The following HAT1 variants were observed in gnomAD, a reference collection of about 807,000 sequenced individuals.
HAT1 encodes histone acetyltransferase type B catalytic subunit.
HAT1 carries 20 observed loss-of-function variants against 56.6 expected under a neutral mutation model. That is an observed-to-expected ratio of 0.35 (90% CI 0.25 to 0.51). The LOEUF is 0.51. HAT1 is among the 20% of genes least tolerant of loss of function. HAT1 has a pLI of 0.95. For missense variants in HAT1, 408 were observed against 504.3 expected, an observed-to-expected ratio of 0.81 and a Z score of 1.83; for synonymous variants, 146 against 165.5, an observed-to-expected ratio of 0.88 and a Z score of 0.91.
At chr2:171,951,481 G>A (rs532262871) in intron 3 of HAT1, among the ~76,000 whole-genome samples, 2 of 151,786 alleles carry the variant, frequency 1.3e-5, no homozygotes, top group African/African-American at 4.8e-5. Flanking sequence ...GTGCAGTGGC[G>A]CAATCTCAGC....
intron 10 of HAT1, chr2:171,980,909 T>TCTATAATC (rs1429651274): frequency 7.2e-6 from 1 of 138,184 alleles, no homozygotes; most frequent in African/African-American, 2.7e-5. Context: ...GTGGTTCACG[T>TCTATAATC]CTATAATCCC....
At chr2:171,978,104 G>A (rs1688033813) in intron 9 of HAT1, among the ~76,000 whole-genome samples, 1 of 146,740 alleles carries the variant, frequency 6.8e-6, no homozygotes, top group Non-Finnish European at 1.5e-5. Flanking sequence ...TGTCACCTGA[G>A]GTGGAGTACA....
intron 8 of HAT1, among the ~76,000 whole-genome samples, chr2:171,973,916 G>A (rs1041510889): frequency 2.0e-5 from 3 of 151,998 alleles, no homozygotes; most frequent in Non-Finnish European, 2.9e-5. Flanking sequence ...TTGGTGGCTT[G>A]CACCTGTAAT....
At chr2:171,970,708 C>T (rs566295813) in intron 8 of HAT1, among the ~76,000 whole-genome samples, 266 of 149,260 alleles carry the variant, frequency 1.8e-3, no homozygotes, top group African/African-American at 6.3e-3. Context: ...TTAGTAGAGA[C>T]GGGGTTTCAC....
chr2:171,973,828 T>C (rs1687880361), intron 8 of HAT1, among the ~76,000 whole-genome samples: 1 of 152,160 alleles, frequency 6.6e-6, no homozygotes, highest in African/African-American at 2.4e-5. Context: ...TGGTGCTAGA[T>C]ATTTTTGGCA....
At chr2:171,954,627 A>G (rs6726050) in intron 4 of HAT1, among the ~76,000 whole-genome samples, 28,426 of 152,114 alleles carry the variant, frequency 0.19, 3,841 homozygotes, top group African/African-American at 0.37. Context: ...TGGAGGTTGC[A>G]GTGAGCCAAG....
intron 8 of HAT1, among the ~76,000 whole-genome samples, chr2:171,969,818 T>C (rs1306128782): frequency 2.6e-5 from 4 of 152,176 alleles, no homozygotes; most frequent in African/African-American, 9.7e-5. Flanking sequence ...TTTCCTATGA[T>C]ACCTATTTCC....
intron 4 of HAT1, among the ~76,000 whole-genome samples, chr2:171,961,561 C>A (rs927845928): frequency 2.1e-5 from 3 of 145,678 alleles, no homozygotes; most frequent in African/African-American, 8.2e-5. Flanking sequence ...TAGCCTCTTT[C>A]TAGGAAAATC....
chr2:171,945,768 A>G (rs1478570964), intron 2 of HAT1, among the ~76,000 whole-genome samples: 1 of 152,092 alleles, frequency 6.6e-6, no homozygotes, highest in Non-Finnish European at 1.5e-5. Context: ...TCCTGGGCTC[A>G]AGTAGTTCTC....
intron 2 of HAT1, among the ~76,000 whole-genome samples, chr2:171,945,336 T>C (rs1404266322): frequency 6.6e-6 from 1 of 152,020 alleles, no homozygotes; most frequent in Non-Finnish European, 1.5e-5. Context: ...TTGATAGAAA[T>C]TGAAGTCGAG....
chr2:171,969,036 T>G (rs1687751057), intron 8 of HAT1, among the ~76,000 whole-genome samples: 1 of 152,200 alleles, frequency 6.6e-6, no homozygotes, highest in Non-Finnish European at 1.5e-5. Context: ...TTTTTTGCAC[T>G]CAATTTTAAG....
intron 2 of HAT1, among the ~76,000 whole-genome samples, chr2:171,930,695 G>A (rs1378578070): frequency 6.6e-6 from 1 of 151,996 alleles, no homozygotes; most frequent in Non-Finnish European, 1.5e-5. Flanking sequence ...GCTCACTATA[G>A]CCTTGACTTC....
At chr2:171,978,537 ATC>A (rs1023570843) in intron 9 of HAT1, among the ~76,000 whole-genome samples, 18 of 151,748 alleles carry the variant, frequency 1.2e-4, no homozygotes, top group African/African-American at 4.1e-4. Flanking sequence ...TGCCTCCCAA[ATC>A]TCTCCTAGGC....
Position 171,965,496 on chromosome 2 carries a change from CTT to C in HAT1, c.470_471del (p.Phe157TyrfsTer6). The C allele has an allele frequency of 6.3e-7, 1 of 1,588,394 alleles. No homozygotes were observed. The highest frequency in any genetic ancestry group is 8.6e-7 in the Non-Finnish European group (1 of 1,165,718). On this transcript the variant is annotated frameshift_variant, in exon 5 of 11. Transcript: ENST00000264108. LOFTEE classifies it high-confidence loss of function. The part of the protein sequence containing the change: ...SVLSPTGGEN[F>X]TFQIYKADMT... ...TTCTCAGTCCAACAGGAGGAGAAAA[CTT>C]TACCTTTCAGATATATAAGGTAAAG...
chr2:171,964,217 T>G (rs1159625070), intron 4 of HAT1, among the ~76,000 whole-genome samples: 1 of 152,194 alleles, frequency 6.6e-6, no homozygotes, highest in Non-Finnish European at 1.5e-5. Context: ...TTAATTTCCC[T>G]GTTTTGAATG....
intron 10 of HAT1, among the ~76,000 whole-genome samples, chr2:171,981,028 G>A (rs1688120097): frequency 6.6e-6 from 1 of 151,930 alleles, no homozygotes; most frequent in Admixed American, 6.6e-5. Flanking sequence ...AAATTAGCCA[G>A]GCATGGTGGG....
intron 4 of HAT1, among the ~76,000 whole-genome samples, chr2:171,956,338 GCA>G (rs369976656): frequency 3.3e-5 from 5 of 151,190 alleles, no homozygotes; most frequent in Non-Finnish European, 4.4e-5. Flanking sequence ...ACGCACGCAT[GCA>G]CACACACACA....
intron 2 of HAT1, among the ~76,000 whole-genome samples, chr2:171,934,127 T>C (rs188816841): frequency 5.9e-4 from 90 of 152,348 alleles, no homozygotes; most frequent in Non-Finnish European, 9.6e-4. Context: ...GTTCCATCTT[T>C]ATCTCTGTCC....
At chr2:171,972,037 C>G (rs1231294987) in intron 8 of HAT1, among the ~76,000 whole-genome samples, 1 of 152,160 alleles carries the variant, frequency 6.6e-6, no homozygotes, top group Non-Finnish European at 1.5e-5. Flanking sequence ...CTCATCAGTG[C>G]TCAACCCCTG....
Sources: gnomAD v4.1 joint callset for allele counts (sites outside exome capture counted in the v4.1 genomes callset) on GRCh38, gnomAD v4.1.1 for gene constraint, MANE v1.5 for transcripts, NCBI Gene and HGNC (gene_info 2026-07-23, HGNC 2026-07-21) for gene names.